Variants in IMMP1L observed in about 807,000 individuals in gnomAD.
The protein encoded by IMMP1L is inner mitochondrial membrane peptidase subunit 1.
IMMP1L carries 24 observed loss-of-function variants against 21.8 expected under a neutral mutation model. The ratio of observed to expected loss-of-function variants is 1.10; its 90% CI spans 0.80 to 1.55. IMMP1L has a LOEUF of 1.55. Ranked by LOEUF, IMMP1L falls within the 40% of genes most tolerant of loss-of-function variation. The pLI is 0.00. For missense variants in IMMP1L, 195 were observed against 200.7 expected, an observed-to-expected ratio of 0.97 and a Z score of 0.17; for synonymous variants, 46 against 62.8, an observed-to-expected ratio of 0.73 and a Z score of 1.26.
chr11:31,456,298 T>C lies in IMMP1L; in HGVS notation c.283A>G (p.Thr95Ala), dbSNP rs887477230. ...TTAAAGAAATCTGATGGACTAGTGG[T>C]GAGGATTTTGTCTCCTTCCAAACCA... ...VIGLEGDKIL[T>A]TSPSDFFKSH... Residue 95 changes from threonine to alanine, a missense_variant, in exon 4 of 6, where the codon ACC becomes GCC. Transcript: ENST00000532287. The C allele has an allele frequency of 2.4e-5, 39 of 1,607,194 alleles. No individual in the cohort carries two copies. Among genetic ancestry groups the C allele is most frequent in the Non-Finnish European group, 3.2e-5 (38 of 1,175,190 alleles).
intron 1 of IMMP1L, among the ~76,000 whole-genome samples, chr11:31,496,799 C>T (rs7128312): frequency 0.27 from 40,266 of 146,990 alleles, 5,756 homozygotes; most frequent in African/African-American, 0.35. Flanking sequence ...AATAGATAAT[C>T]CTATATATAA....
Position 31,456,343 on chromosome 11 carries a change from T to C in IMMP1L, c.238A>G (p.Asn80Asp), listed in dbSNP as rs1281392558. 1 of 1,609,972 alleles carries C rather than the reference T, an allele frequency of 6.2e-7. No individual in the cohort carries two copies. The highest frequency in any genetic ancestry group is 8.5e-7 in the Non-Finnish European group (1 of 1,176,706). ...IAKSPSDPKS[N>D]ICKRVIGLEG... Reference sequence around the variant, plus strand: ...AAACCAATTACTCTTTTACAAATATTTGATTTTGGATCACTTGGGCTTTTT... The same window carrying C: ...AAACCAATTACTCTTTTACAAATATCTGATTTTGGATCACTTGGGCTTTTT... The change falls in exon 4 of 6, where the codon AAT becomes GAT. Residue 80 changes from asparagine (N) to aspartate (D), a missense_variant. Asn to Asp is a conservative substitution (Grantham distance 23). Coordinates refer to ENST00000532287, the MANE Select transcript of IMMP1L (RefSeq NM_001304274.2).
At chr11:31,471,152 T>A (rs1954535594) in intron 1 of IMMP1L, among the ~76,000 whole-genome samples, 1 of 152,198 alleles carries the variant, frequency 6.6e-6, no homozygotes, top group African/African-American at 2.4e-5. Context: ...ATGTTTGAGG[T>A]GATAGATATG....
At chr11:31,495,763 A>G (rs1955410829) in intron 1 of IMMP1L, among the ~76,000 whole-genome samples, 1 of 152,186 alleles carries the variant, frequency 6.6e-6, no homozygotes, top group Admixed American at 6.5e-5. Context: ...AGACCATTCA[A>G]TGGGGAAAAG....
chr11:31,504,611 T>C (rs962440100), intron 1 of IMMP1L, among the ~76,000 whole-genome samples: 4 of 152,172 alleles, frequency 2.6e-5, no homozygotes, highest in Admixed American at 6.5e-5. Flanking sequence ...TACAATTGCA[T>C]TGAAGAAATG....
intron 4 of IMMP1L, among the ~76,000 whole-genome samples, chr11:31,455,357 CAAGT>C (rs1313345821): frequency 6.6e-6 from 1 of 152,112 alleles, no homozygotes; most frequent in Non-Finnish European, 1.5e-5. Context: ...TATAATTATT[CAAGT>C]AAGAAGAGTA....
chr11:31,477,480 C>G, intron 1 of IMMP1L: 2 of 865,850 alleles, frequency 2.3e-6, no homozygotes, highest in Non-Finnish European at 2.8e-6. Context: ...TAATAAAGAG[C>G]ATATTCTTTG....
chr11:31,453,509 G>A (rs188130957), intron 4 of IMMP1L, among the ~76,000 whole-genome samples: 62 of 152,218 alleles, frequency 4.1e-4, no homozygotes, highest in African/African-American at 1.3e-3. Flanking sequence ...AACTCATTTC[G>A]TAAAATATTG....
At chr11:31,509,421 G>C (rs936316361) in intron 1 of IMMP1L, 98 bp downstream of exon 1, 3 of 232,854 alleles carry the variant, frequency 1.3e-5, no homozygotes, top group Non-Finnish European at 2.6e-5. Flanking sequence ...GCAATTGCTT[G>C]ATAAGCCCTA....
At chr11:31,443,168 A>G (rs1953398781) in intron 4 of IMMP1L, among the ~76,000 whole-genome samples, 1 of 152,302 alleles carries the variant, frequency 6.6e-6, no homozygotes, top group South Asian at 2.1e-4. Flanking sequence ...CCATATTAAG[A>G]TCCTATGCAC....
chr11:31,439,950 C>CCTCA (rs1381886165), intron 4 of IMMP1L, among the ~76,000 whole-genome samples: 1 of 152,126 alleles, frequency 6.6e-6, no homozygotes, highest in Non-Finnish European at 1.5e-5. Context: ...GTCATTCATT[C>CCTCA]CTCAGTCTCT....
chr11:31,503,574 T>C (rs572467549), intron 1 of IMMP1L, among the ~76,000 whole-genome samples: 1 of 152,158 alleles, frequency 6.6e-6, no homozygotes, highest in South Asian at 2.1e-4. Context: ...CAGCAATAAA[T>C]AAAAGAAGAA....
At chr11:31,444,015 G>A (rs1212637930) in intron 4 of IMMP1L, among the ~76,000 whole-genome samples, 1 of 152,100 alleles carries the variant, frequency 6.6e-6, no homozygotes, top group Non-Finnish European at 1.5e-5. Flanking sequence ...TTCTCCCTAA[G>A]CTCTCAATAC....
chr11:31,432,683 C>A, intron 5 of IMMP1L, 115 bp from the exon 6 acceptor site: 1 of 687,252 alleles, frequency 1.5e-6, no homozygotes, highest in Non-Finnish European at 2.6e-6. Context: ...TTTCTCCTTA[C>A]TCATCAATCA....
intron 4 of IMMP1L, among the ~76,000 whole-genome samples, chr11:31,441,063 T>C (rs1953309105): frequency 6.6e-6 from 1 of 152,138 alleles, no homozygotes; most frequent in African/African-American, 2.4e-5. Context: ...AAAAAATAAG[T>C]TGCAGGGCAA....
intron 1 of IMMP1L, among the ~76,000 whole-genome samples, chr11:31,500,819 A>T (rs1481673057): frequency 6.6e-6 from 1 of 152,174 alleles, no homozygotes; most frequent in Non-Finnish European, 1.5e-5. Context: ...ATTCATATAC[A>T]TGTTATCTGT....
intron 1 of IMMP1L, among the ~76,000 whole-genome samples, chr11:31,484,598 G>C (rs72889944): frequency 0.051 from 7,670 of 151,840 alleles, 290 homozygotes; most frequent in Non-Finnish European, 0.071. Context: ...ATGTTATTTT[G>C]TAAGTACACA....
chr11:31,501,437 G>A (rs1955614768), intron 1 of IMMP1L, among the ~76,000 whole-genome samples: 1 of 152,044 alleles, frequency 6.6e-6, no homozygotes, highest in African/African-American at 2.4e-5. Flanking sequence ...GCTCTCTCTT[G>A]GGCCACTCCA....
In IMMP1L at chr11:31,509,396, C is replaced by G. The variant is rs537535988; in HGVS notation, c.-30+123G>C. On this transcript the variant is annotated intron_variant, in intron 1 of 5. Coordinates refer to ENST00000532287, the MANE Select transcript of IMMP1L (RefSeq NM_001304274.2). ...GAAAAAAGTCTATCCTCACACACAG[C>G]GGAGAAAGGTGCTAGCAATTGCTTG... 6.6e-5 allele frequency: 13 copies of G among 197,954 alleles called. No homozygotes were observed. In the South Asian group the frequency reaches 1.3e-3, roughly 20 times the overall value. The allele number at this position is 197,954 out of a possible 1,614,324, so 12.3% of individuals were successfully genotyped here.
Sources: allele counts gnomAD v4.1 joint callset (sites outside exome capture counted in the v4.1 genomes callset), GRCh38; gene constraint gnomAD v4.1.1; transcripts MANE v1.5; gene names NCBI Gene and HGNC (gene_info 2026-07-23, HGNC 2026-07-21).